CHIT1: variants seen among roughly 807,000 people sequenced by gnomAD.
The protein encoded by CHIT1 is chitotriosidase-1.
A neutral mutation model predicts 52.0 loss-of-function variants in CHIT1; 47 were observed. The observed-to-expected ratio is 0.90, with a 90% CI of 0.71 to 1.15. The LOEUF (loss-of-function observed/expected upper bound fraction) is 1.15. Among genes scored for constraint, CHIT1 ranks in the 50% most tolerant of loss-of-function variants. CHIT1 has a pLI of 0.00. For missense variants in CHIT1, 569 were observed against 583.0 expected (o/e 0.98, Z 0.25); for synonymous variants, 242 against 228.2 (o/e 1.06, Z -0.54).
At chr1:203,217,468 T>C in intron 10 of CHIT1, 1 of 1,287,910 alleles carries the variant, frequency 7.8e-7, no homozygotes, top group Middle Eastern at 1.9e-4. Flanking sequence ...AACAAGGTGC[T>C]GCTCCCAGTC....
At chr1:203,224,541 A>G (rs1323718761) in intron 4 of CHIT1, among the ~76,000 whole-genome samples, 1 of 152,178 alleles carries the variant, frequency 6.6e-6, no homozygotes, top group Non-Finnish European at 1.5e-5. Context: ...GAAAACACCA[A>G]GTTTCAAATA....
rs1251069995 is a variant in CHIT1, at chr1:203,216,400, G to A, written c.*489C>T. On this transcript the variant is annotated 3_prime_UTR_variant, in exon 11 of 11. Coordinates refer to ENST00000367229, the MANE Select transcript of CHIT1 (RefSeq NM_003465.3). ...CTGCTGCCATCTAGTGGCATTTTGG[G>A]AATAACACGTGCGTGAAGGTCCGCA... 1 of 454,212 alleles carries A rather than the reference G, an allele frequency of 2.2e-6. No homozygotes were observed. The highest frequency in any genetic ancestry group is 6.9e-5 in the East Asian group (1 of 14,400). The allele number at this position is 454,212 out of a possible 1,614,324, so 28.1% of individuals were successfully genotyped here. A position where few individuals can be genotyped will look rare whatever the true frequency, so the allele number is the denominator to read the frequency against.
At chr1:203,224,881 G>A (rs1455738527) in intron 4 of CHIT1, among the ~76,000 whole-genome samples, 167 bp downstream of exon 4, 2 of 152,070 alleles carry the variant, frequency 1.3e-5, no homozygotes, top group East Asian at 1.9e-4. Context: ...CTCCAGCTGA[G>A]GTGCCAAGAA....
chr1:203,217,112 C>A lies in CHIT1; in HGVS notation c.1178G>T (p.Gly393Val). The A allele has an allele frequency of 6.2e-7, 1 of 1,608,270 alleles. No homozygotes were observed. Among genetic ancestry groups the A allele is most frequent in the Non-Finnish European group, 8.5e-7 (1 of 1,179,994 alleles). ...TTTTGGAACTTCAAGCTCTGGGGTG[C>A]CTGAAGGCAAGTATGGAAGACCTGG... ...QELSLPYLPS[G>V]TPELEVPKPG... is the part of the protein sequence containing the mutation. Residue 393 changes from glycine (G) to valine (V), a missense_variant, in exon 11 of 11, where the codon GGC becomes GTC. By Grantham distance (109) the Gly-to-Val change is moderately radical. Transcript: ENST00000367229.
intron 7 of CHIT1, among the ~76,000 whole-genome samples, chr1:203,221,117 G>T (rs1656715911): frequency 2.6e-5 from 4 of 152,156 alleles, no homozygotes; most frequent in Admixed American, 2.6e-4. Context: ...GCTCAAAGAG[G>T]TGCTCTTTAT....
chr1:203,224,109 A>G (rs1656841467), intron 4 of CHIT1, among the ~76,000 whole-genome samples: 1 of 152,210 alleles, frequency 6.6e-6, no homozygotes, highest in Non-Finnish European at 1.5e-5. Context: ...TACTAAGGTT[A>G]GTAAAGACCT....
chr1:203,226,140 T>C lies in CHIT1; in HGVS notation c.56-270A>G, dbSNP rs1033760300. On this transcript the variant is annotated intron_variant, in intron 2 of 10. Transcript: ENST00000367229. ...AAGCCTTCTTTTCCCGGGAAGCAAG[T>C]TGAGGCTCACGAGCTTGGGGCCCGT... Among the ~76,000 whole-genome samples the C allele has an allele frequency of 9.2e-5, 14 of 152,324 alleles. 2 individuals carry two copies. The highest frequency in any genetic ancestry group is 2.4e-4 in the African/African-American group (10 of 41,576).
intron 9 of CHIT1, 147 bp downstream of exon 9, chr1:203,219,069 G>T: frequency 1.4e-6 from 1 of 706,842 alleles, no homozygotes; most frequent in Non-Finnish European, 2.6e-6. Flanking sequence ...GGTAGTAAAG[G>T]TACAAAATAC....
intron 10 of CHIT1, 80 bp downstream of exon 10, chr1:203,217,659 C>T (rs1656581088): frequency 1.2e-6 from 2 of 1,604,146 alleles, no homozygotes; most frequent in Non-Finnish European, 1.7e-6. Context: ...GGACCCGGGA[C>T]CTACAGTTCA....
At chr1:203,227,412 C>A (rs148318993) in intron 2 of CHIT1, among the ~76,000 whole-genome samples, 18 of 152,344 alleles carry the variant, frequency 1.2e-4, no homozygotes, top group African/African-American at 4.3e-4. Context: ...TCATGTCATG[C>A]TGTCGCATAT....
intron 9 of CHIT1, among the ~76,000 whole-genome samples, chr1:203,218,681 GC>G (rs1399567949): frequency 6.6e-6 from 1 of 151,914 alleles, no homozygotes; most frequent in East Asian, 1.9e-4. Flanking sequence ...CCAGGATCGT[GC>G]CCCCCTGCAA....
chr1:203,225,998 C>G, intron 2 of CHIT1, 128 bp from the exon 3 acceptor site: 1 of 994,288 alleles, frequency 1.0e-6, no homozygotes, highest in Non-Finnish European at 1.6e-6. Context: ...TGGAGGGACC[C>G]GACAGGCAGA....
rs769203293 is a variant in CHIT1 at position 203,217,112 on chromosome 1, C to T, written c.1178G>A (p.Gly393Asp). The T allele has an allele frequency of 5.0e-6, 8 of 1,608,152 alleles. No homozygotes were observed. Among genetic ancestry groups the T allele is most frequent in the Non-Finnish European group, 6.8e-6 (8 of 1,180,002 alleles). The change falls in exon 11 of 11, where the codon GGC becomes GAC. Residue 393 changes from glycine to aspartate, a missense_variant. Gly to Asp is a moderately conservative substitution (Grantham distance 94, BLOSUM62 -1). Coordinates refer to ENST00000367229, the MANE Select transcript of CHIT1 (RefSeq NM_003465.3). Reference protein sequence around the residue: ...QELSLPYLPSGTPELEVPKPG... With the variant: ...QELSLPYLPSDTPELEVPKPG... ...TTTTGGAACTTCAAGCTCTGGGGTG[C>T]CTGAAGGCAAGTATGGAAGACCTGG...
At chr1:203,225,155 A>G (rs776817928) in intron 3 of CHIT1, 51 bp from the exon 4 acceptor site, 1 of 1,566,620 alleles carries the variant, frequency 6.4e-7, no homozygotes, top group South Asian at 1.1e-5. Flanking sequence ...CTCCCAGGGC[A>G]CCCTGGCAGG....
rs756333030 is a variant in CHIT1 at position 203,223,696 on chromosome 1, G to T, written c.315-36C>A. On this transcript the variant is annotated intron_variant, in intron 4 of 10. Coordinates refer to ENST00000367229, the MANE Select transcript of CHIT1 (RefSeq NM_003465.3). ...ATGAAGGGGAGTAAGGGCCGGCCTT[G>T]GACCAGACAGGAGGCCACTCTTACT... The T allele has an allele frequency of 1.8e-5, 29 of 1,608,076 alleles. No homozygotes were observed. The African/African-American group carries it at 3.3e-4, about 19-fold the overall frequency.
intron 3 of CHIT1, among the ~76,000 whole-genome samples, 172 bp from the exon 4 acceptor site, chr1:203,225,276 G>T (rs1330081988): frequency 6.6e-6 from 1 of 152,054 alleles, no homozygotes; most frequent in Non-Finnish European, 1.5e-5. Context: ...GGGAAGTCAC[G>T]TTCCTGACTC....
At position 203,216,630 on chromosome 1, in the gene CHIT1, T is replaced by A. The variant is rs1160673554; in HGVS notation, c.*259A>T. The A allele has an allele frequency of 1.8e-6, 1 of 566,602 alleles. No individual in the cohort carries two copies. The highest frequency in any genetic ancestry group is 1.5e-5 in the South Asian group (1 of 65,500). 35.1% of individuals were successfully genotyped at this position (566,602 alleles called of 1,614,324 possible). A position where few individuals can be genotyped will look rare whatever the true frequency, so the allele number is the denominator to read the frequency against. On this transcript the variant is annotated 3_prime_UTR_variant, in exon 11 of 11. Transcript: ENST00000367229. The stretch of plus-strand genomic sequence containing the variant: ...CCTGCGGATGTTTTGGAGTCAACAG[T>A]GTGCTTAGAGAGCCTCTTAAGTCAC...
At chr1:203,225,920 G>T (rs1198091955) in intron 2 of CHIT1, 50 bp from the exon 3 acceptor site, 1 of 1,593,378 alleles carries the variant, frequency 6.3e-7, no homozygotes, top group Non-Finnish European at 8.6e-7. Context: ...GGACCTTCTG[G>T]GGACTGGTCA....
intron 5 of CHIT1, 29 bp downstream of exon 5, chr1:203,223,466 C>G: frequency 2.5e-6 from 4 of 1,613,370 alleles, no homozygotes; most frequent in Non-Finnish European, 3.4e-6. Context: ...CCTGCACAGA[C>G]TGGTGATCCC....
Sources: allele counts gnomAD v4.1 joint callset (sites outside exome capture counted in the v4.1 genomes callset), GRCh38; gene constraint gnomAD v4.1.1; transcripts MANE v1.5; gene names NCBI Gene and HGNC (gene_info 2026-07-23, HGNC 2026-07-21).